Variants in PDF observed in about 807,000 individuals in gnomAD.
PDF encodes the protein peptide deformylase, mitochondrial.
In PDF, 31 loss-of-function variants were observed where a neutral mutation model predicts 20.3. The ratio of observed to expected loss-of-function variants is 1.52; its 90% CI spans 1.15 to 2.06. The LOEUF (loss-of-function observed/expected upper bound fraction) is 2.06. PDF is among the 30% of genes most tolerant of loss of function. The pLI is 0.00. For missense variants in PDF, 447 were observed against 362.5 expected, an observed-to-expected ratio of 1.23 and a Z score of -1.89; for synonymous variants, 254 against 172.0, an observed-to-expected ratio of 1.48 and a Z score of -3.73.
Position 69,327,216 on chromosome 16 carries a change from GGA to G in PDF, c.*1804_*1805del, listed in dbSNP as rs908227484. 7.2e-6 allele frequency: 1 copy of G among 138,052 alleles called. No homozygotes were observed. The highest frequency in any genetic ancestry group is 2.8e-5 in the African/African-American group (1 of 36,198). The allele number at this position is 138,052 out of a possible 1,614,324, so 8.6% of individuals were successfully genotyped here. ...AGAGCCTTGGTCTGTCGCCCAGGCTGGAGTACAGTGGCGAGATCTCAGCCCAC... is the reference window on the plus strand; with the variant it reads ...AGAGCCTTGGTCTGTCGCCCAGGCTGGTACAGTGGCGAGATCTCAGCCCAC... On this transcript the variant is annotated 3_prime_UTR_variant, in exon 2 of 2. Coordinates refer to ENST00000288022, the MANE Select transcript of PDF (RefSeq NM_022341.2).
rs1965690309 is a variant in PDF, at chr16:69,329,001, C to G, written c.*21G>C. 2 of 1,596,582 alleles carry G rather than the reference C, an allele frequency of 1.3e-6. No individual in the cohort carries two copies. Among genetic ancestry groups the G allele is most frequent in the African/African-American group, 1.3e-5 (1 of 74,204 alleles). ...TGTTTGCGTCTTGGTATCCGGAATCCTCAGCCCCAGTAGCAAAGCTTTAGT... is the reference window on the plus strand; with the variant it reads ...TGTTTGCGTCTTGGTATCCGGAATCGTCAGCCCCAGTAGCAAAGCTTTAGT... On this transcript the variant is annotated 3_prime_UTR_variant, in exon 2 of 2. Coordinates refer to ENST00000288022, the MANE Select transcript of PDF (RefSeq NM_022341.2).
rs1265955816 is a variant in PDF, at chr16:69,329,273, T to C, written c.575-94A>G. Reference sequence around the variant, plus strand: ...CTGCCCCCGGTCCTGGCTGTTCCCATTGACAAGAGGCAACAGCAGATGGCA... The same window carrying C: ...CTGCCCCCGGTCCTGGCTGTTCCCACTGACAAGAGGCAACAGCAGATGGCA... On this transcript the variant is annotated intron_variant, in intron 1 of 1. Coordinates refer to ENST00000288022, the MANE Select transcript of PDF (RefSeq NM_022341.2). The C allele has an allele frequency of 1.1e-5, 15 of 1,341,420 alleles. No individual in the cohort carries two copies. The East Asian group carries it at 1.1e-4, about 10-fold the overall frequency. 83.1% of individuals were successfully genotyped at this position (1,341,420 alleles called of 1,614,324 possible).
At position 69,328,899 on chromosome 16, in the gene PDF, TTGGCAATCCA is replaced by T. The variant is rs1965687649; in HGVS notation, c.*113_*122del. The T allele has an allele frequency of 5.4e-6, 7 of 1,299,310 alleles. No homozygotes were observed. The highest frequency in any genetic ancestry group is 6.3e-6 in the Non-Finnish European group (6 of 952,604). The allele number at this position is 1,299,310 out of a possible 1,614,324, so 80.5% of individuals were successfully genotyped here. The stretch of plus-strand genomic sequence containing the variant: ...TTCCTCCAGCTCAGTCTGCCATGCC[TTGGCAATCCA>T]GTTTCCTGTCATATGCGAGCCATCC... On this transcript the variant is annotated 3_prime_UTR_variant, in exon 2 of 2. Coordinates refer to ENST00000288022, the MANE Select transcript of PDF (RefSeq NM_022341.2).
Position 69,330,496 on chromosome 16 carries a change from G to A in PDF, c.75C>T (p.Val25=), listed in dbSNP as rs767089608. ...AAVPWGGAAA[V]GVRACSSTAA... ...CCGTGGAGCTGCAAGCCCGGACACCGACGGCTGCCGCCCCGCCCCACGGCA... is the reference window on the plus strand; with the variant it reads ...CCGTGGAGCTGCAAGCCCGGACACCAACGGCTGCCGCCCCGCCCCACGGCA... The change falls in exon 1 of 2, where the codon GTC becomes GTT. Residue 25 remains valine, a synonymous_variant. Transcript: ENST00000288022. 22 of 1,472,406 alleles carry A rather than the reference G, an allele frequency of 1.5e-5. No individual in the cohort carries two copies. The highest frequency in any genetic ancestry group is 4.4e-5 in the African/African-American group (3 of 67,754). The allele number at this position is 1,472,406 out of a possible 1,614,324, so 91.2% of individuals were successfully genotyped here. A position where few individuals can be genotyped will look rare whatever the true frequency, so the allele number is the denominator to read the frequency against.
rs922644213 is a variant in PDF, at chr16:69,328,742, G to T, written c.*280C>A. On this transcript the variant is annotated 3_prime_UTR_variant, in exon 2 of 2. Transcript: ENST00000288022. Reference sequence around the variant, plus strand: ...CGAGGAACTCGTGTCTACTGCAGACGAATGCAATTACCCCACCTTCCTCCA... The same window carrying T: ...CGAGGAACTCGTGTCTACTGCAGACTAATGCAATTACCCCACCTTCCTCCA... The T allele has an allele frequency of 2.4e-6, 1 of 409,272 alleles. No homozygotes were observed. Among genetic ancestry groups the T allele is most frequent in the Non-Finnish European group, 4.3e-6 (1 of 230,354 alleles). The allele number at this position is 409,272 out of a possible 1,614,324, so 25.4% of individuals were successfully genotyped here.
chr16:69,330,526 C>A lies in PDF; in HGVS notation c.45G>T (p.Ala15=), dbSNP rs978025503. Residue 15 remains alanine (A), a synonymous_variant, in exon 1 of 2, where the codon GCG becomes GCT. Coordinates refer to ENST00000288022, the MANE Select transcript of PDF (RefSeq NM_022341.2). ...WGALSLWPLW[A]AVPWGGAAAV... The stretch of plus-strand genomic sequence containing the variant: ...CTGCCGCCCCGCCCCACGGCACGGC[C>A]GCCCACAGTGGCCAAAGACTCAGCG... 2.0e-6 allele frequency: 3 copies of A among 1,476,602 alleles called. No homozygotes were observed. The highest frequency in any genetic ancestry group is 2.7e-6 in the Non-Finnish European group (3 of 1,122,590). 91.5% of individuals were successfully genotyped at this position (1,476,602 alleles called of 1,614,324 possible).
rs773453263 is a variant in PDF, at chr16:69,330,391, G to A, written c.180C>T (p.Pro60=). The change falls in exon 1 of 2, where the codon CCC becomes CCT. Residue 60 remains proline, a synonymous_variant. Transcript: ENST00000288022. The part of the protein sequence containing the change: ...RHLRRLVLGP[P]EPPFSHVCQV... ...GGCACACGTGCGAGAACGGCGGTTC[G>A]GGAGGACCCAGCACCAGACGCCTCA... 1.0e-5 allele frequency: 15 copies of A among 1,479,006 alleles called. No individual in the cohort carries two copies. Among genetic ancestry groups the A allele is most frequent in the Middle Eastern group, 2.3e-4 (1 of 4,340 alleles). The allele number at this position is 1,479,006 out of a possible 1,614,324, so 91.6% of individuals were successfully genotyped here. A position where few individuals can be genotyped will look rare whatever the true frequency, so the allele number is the denominator to read the frequency against.
chr16:69,329,316 C>T (rs897738620), intron 1 of PDF, 137 bp from the exon 2 acceptor site: 2 of 903,470 alleles, frequency 2.2e-6, no homozygotes, highest in African/African-American at 3.5e-5. Flanking sequence ...ACAGCAGCTC[C>T]TCTTCTAACT....
chr16:69,329,155 A>C lies in PDF; in HGVS notation c.599T>G (p.Val200Gly). The change falls in exon 2 of 2, where the codon GTG becomes GGG. Residue 200 changes from valine (V) to glycine (G), a missense_variant. By Grantham distance (109) the Val-to-Gly change is moderately radical. Transcript: ENST00000288022. ...TGCCCACCCGCTCGCCTGCCACACCACCTGTTCTCCATTGGGGTCCAGCCC... is the reference window on the plus strand; with the variant it reads ...TGCCCACCCGCTCGCCTGCCACACCCCCTGTTCTCCATTGGGGTCCAGCCC... ...ISGLDPNGEQ[V>G]VWQASGWAAR... is the part of the protein sequence containing the mutation. 6.2e-7 allele frequency: 1 copy of C among 1,606,446 alleles called. No individual in the cohort carries two copies. The highest frequency in any genetic ancestry group is 2.2e-5 in the East Asian group (1 of 44,528).
rs747022716 is a variant in PDF at position 69,330,395 on chromosome 16, G to A, written c.176C>T (p.Pro59Leu). ...CACGTGCGAGAACGGCGGTTCGGGAGGACCCAGCACCAGACGCCTCAGGTG... is the reference window on the plus strand; with the variant it reads ...CACGTGCGAGAACGGCGGTTCGGGAAGACCCAGCACCAGACGCCTCAGGTG... Reference protein sequence around the residue: ...WRHLRRLVLGPPEPPFSHVCQ... With the variant: ...WRHLRRLVLGLPEPPFSHVCQ... The change falls in exon 1 of 2, where the codon CCT becomes CTT. Residue 59 changes from proline (P) to leucine (L), a missense_variant. Physicochemically the swap from Pro to Leu is moderately conservative, Grantham distance 98. Coordinates refer to ENST00000288022, the MANE Select transcript of PDF (RefSeq NM_022341.2). The A allele has an allele frequency of 6.0e-5, 89 of 1,479,728 alleles. No individual in the cohort carries two copies. The highest frequency in any genetic ancestry group is 7.4e-5 in the Non-Finnish European group (83 of 1,123,170). 91.7% of individuals were successfully genotyped at this position (1,479,728 alleles called of 1,614,324 possible).
chr16:69,329,120 T>C lies in PDF; in HGVS notation c.634A>G (p.Ile212Val), dbSNP rs762428957. 4.3e-6 allele frequency: 7 copies of C among 1,610,450 alleles called. No homozygotes were observed. The South Asian group carries it at 6.6e-5, about 15-fold the overall frequency. Residue 212 changes from isoleucine to valine, a missense_variant, in exon 2 of 2, where the codon ATC (isoleucine) becomes GTC (valine). Coordinates refer to ENST00000288022, the MANE Select transcript of PDF (RefSeq NM_022341.2). ...WQASGWAARI[I>V]QHEMDHLQGC... ...TGCAGGTGGTCCATCTCGTGCTGGA[T>C]GATGCGGGCTGCCCACCCGCTCGCC...
rs553715955 is a variant in PDF at position 69,328,308 on chromosome 16, T to A, written c.*714A>T. 6.6e-6 allele frequency: 1 copy of A among 152,330 alleles called. No individual in the cohort carries two copies. Among genetic ancestry groups the A allele is most frequent in the South Asian group, 2.1e-4 (1 of 4,826 alleles). 9.4% of individuals were successfully genotyped at this position (152,330 alleles called of 1,614,324 possible). ...ATTCTATTTTTACAAAATAAGTGTA[T>A]AACCAGGAAGTACTAATCCTGCTTT... On this transcript the variant is annotated 3_prime_UTR_variant, in exon 2 of 2. Coordinates refer to ENST00000288022, the MANE Select transcript of PDF (RefSeq NM_022341.2).
chr16:69,330,118 G>C lies in PDF; in HGVS notation c.453C>G (p.Arg151=). 1 of 1,584,362 alleles carries C rather than the reference G, an allele frequency of 6.3e-7. No homozygotes were observed. The highest frequency in any genetic ancestry group is 8.6e-7 in the Non-Finnish European group (1 of 1,168,082). Residue 151 remains arginine, a synonymous_variant, in exon 1 of 2, where the codon CGC becomes CGG. Transcript: ENST00000288022. ...CTCGCAGGCTGGGGTTCACGAACAC[G>C]CGCAGGGGGAAGGGCTCCATTTGGC... ...ALRQMEPFPL[R]VFVNPSLRVL...
In PDF at chr16:69,330,239, A is replaced by G. The variant is rs1597220216; in HGVS notation, c.332T>C (p.Leu111Pro). 1 of 1,440,890 alleles carries G rather than the reference A, an allele frequency of 6.9e-7. No homozygotes were observed. Among genetic ancestry groups the G allele is most frequent in the South Asian group, 1.4e-5 (1 of 70,604 alleles). The allele number at this position is 1,440,890 out of a possible 1,614,324, so 89.3% of individuals were successfully genotyped here. Reference sequence around the variant, plus strand: ...CGGCACCCCCAGCTGCGGCGCGCTTAGGCCCACGCAGCGCCGCCGCCGCAT... The same window carrying G: ...CGGCACCCCCAGCTGCGGCGCGCTTGGGCCCACGCAGCGCCGCCGCCGCAT... Reference protein sequence around the residue: ...QVMRRRRCVGLSAPQLGVPRQ... With the variant: ...QVMRRRRCVGPSAPQLGVPRQ... The change falls in exon 1 of 2, where the codon CTA becomes CCA. Residue 111 changes from leucine (L) to proline (P), a missense_variant. Leu to Pro is a moderately conservative substitution (Grantham distance 98, BLOSUM62 -3). Transcript: ENST00000288022.
rs1480336856 is a variant in PDF, at chr16:69,327,777, C to G, written c.*1245G>C. On this transcript the variant is annotated 3_prime_UTR_variant, in exon 2 of 2. Transcript: ENST00000288022. Reference sequence around the variant, plus strand: ...AACTGATCCCAGCACTTTGGGAGGCCGAGGCAGGAGGATTGCCTGAGACCA... The same window carrying G: ...AACTGATCCCAGCACTTTGGGAGGCGGAGGCAGGAGGATTGCCTGAGACCA... The G allele has an allele frequency of 6.6e-6, 1 of 151,526 alleles. No homozygotes were observed. The highest frequency in any genetic ancestry group is 2.4e-5 in the African/African-American group (1 of 41,174). The allele number at this position is 151,526 out of a possible 1,614,324, so 9.4% of individuals were successfully genotyped here.
chr16:69,330,535 T>C lies in PDF; in HGVS notation c.36A>G (p.Pro12=), dbSNP rs1297751993. ...ARLWGALSLW[P]LWAAVPWGGA... Reference sequence around the variant, plus strand: ...CGCCCCACGGCACGGCCGCCCACAGTGGCCAAAGACTCAGCGCGCCCCACA... The same window carrying C: ...CGCCCCACGGCACGGCCGCCCACAGCGGCCAAAGACTCAGCGCGCCCCACA... Residue 12 remains proline, a synonymous_variant, in exon 1 of 2, where the codon CCA becomes CCG. Transcript: ENST00000288022. 4.7e-6 allele frequency: 7 copies of C among 1,476,424 alleles called. No individual in the cohort carries two copies. The highest frequency in any genetic ancestry group is 4.4e-5 in the African/African-American group (3 of 67,798). The allele number at this position is 1,476,424 out of a possible 1,614,324, so 91.5% of individuals were successfully genotyped here. A position where few individuals can be genotyped will look rare whatever the true frequency, so the allele number is the denominator to read the frequency against.
At position 69,330,142 on chromosome 16, in the gene PDF, G is replaced by T. The variant is rs768719051; in HGVS notation, c.429C>A (p.Arg143=). Residue 143 remains arginine, a synonymous_variant, in exon 1 of 2, where the codon CGC becomes CGA. Transcript: ENST00000288022. The stretch of plus-strand genomic sequence containing the variant: ...CGCGCAGGGGGAAGGGCTCCATTTG[G>T]CGGAGCGCGCGCTGGCGGGGCGGGC... ...RECPPRQRAL[R]QMEPFPLRVF... 6.4e-7 allele frequency: 1 copy of T among 1,558,776 alleles called. No individual in the cohort carries two copies. Among genetic ancestry groups the T allele is most frequent in the Non-Finnish European group, 8.6e-7 (1 of 1,156,284 alleles).
intron 1 of PDF, 93 bp downstream of exon 1, chr16:69,329,904 G>A: frequency 7.2e-7 from 1 of 1,381,274 alleles, no homozygotes; most frequent in Non-Finnish European, 9.4e-7. Flanking sequence ...GGGAGGTCCG[G>A]CGTATGAACC....
chr16:69,327,340 A>T lies in PDF; in HGVS notation c.*1682T>A, dbSNP rs150578971. On this transcript the variant is annotated 3_prime_UTR_variant, in exon 2 of 2. Transcript: ENST00000288022. Reference sequence around the variant, plus strand: ...CTACCAGCACACCCAGCTAATTTTCATATTTTTAGTAGAAACAGTGTTTCG... The same window carrying T: ...CTACCAGCACACCCAGCTAATTTTCTTATTTTTAGTAGAAACAGTGTTTCG... 70 of 151,902 alleles carry T rather than the reference A, an allele frequency of 4.6e-4. No homozygotes were observed. Among genetic ancestry groups the T allele is most frequent in the African/African-American group, 1.5e-3 (63 of 41,422 alleles). 9.4% of individuals were successfully genotyped at this position (151,902 alleles called of 1,614,324 possible). A position where few individuals can be genotyped will look rare whatever the true frequency, so the allele number is the denominator to read the frequency against.
Sources: gnomAD v4.1 joint callset for allele counts on GRCh38, gnomAD v4.1.1 for gene constraint, MANE v1.5 for transcripts, NCBI Gene and HGNC (gene_info 2026-07-23, HGNC 2026-07-21) for gene names.